Variants in MCPH1 observed in about 807,000 individuals in gnomAD.
The protein encoded by MCPH1 is microcephalin 1, also known as microcephalin.
In MCPH1, 104 loss-of-function variants were observed where a neutral mutation model predicts 84.5. That is an observed-to-expected ratio of 1.23 (90% CI 1.05 to 1.45). MCPH1 has a LOEUF of 1.45. Among genes scored for constraint, MCPH1 ranks in the 40% most tolerant of loss-of-function variants. MCPH1 has a pLI of 0.00. For missense variants in MCPH1, 1,498 were observed against 1,005.7 expected (o/e 1.49, Z -6.62); for synonymous variants, 514 against 366.8 (o/e 1.40, Z -4.58).
Position 6,493,378 on chromosome 8 carries a change from A to G in MCPH1, c.2137-6474A>G, listed in dbSNP as rs532801802. Reference sequence around the variant, plus strand: ...TTGAGGTGAGCTTTTTCATAAGAATATTCAAGCCTAGGTCAACATGCAGCT... The same window carrying G: ...TTGAGGTGAGCTTTTTCATAAGAATGTTCAAGCCTAGGTCAACATGCAGCT... On this transcript the variant is annotated intron_variant, in intron 11 of 13. Transcript: ENST00000344683. Among the ~76,000 whole-genome samples, 66 of 152,356 alleles carry G rather than the reference A, an allele frequency of 4.3e-4. 2 individuals are homozygous for G. In the South Asian group the frequency reaches 0.013, roughly 31 times the overall value.
intron 11 of MCPH1, among the ~76,000 whole-genome samples, chr8:6,498,078 G>T (rs969166840): frequency 6.6e-6 from 1 of 152,192 alleles, no homozygotes; most frequent in Non-Finnish European, 1.5e-5. Flanking sequence ...ATTCACAGAT[G>T]CAGTTCCTAT....
intron 12 of MCPH1, among the ~76,000 whole-genome samples, chr8:6,581,336 A>G (rs1827549345): frequency 6.6e-6 from 1 of 152,178 alleles, no homozygotes; most frequent in African/African-American, 2.4e-5. Flanking sequence ...CTCCAGCATA[A>G]ATGGGGATGA....
At chr8:6,633,071 ACTAT>A (rs1797285247) in intron 13 of MCPH1, among the ~76,000 whole-genome samples, 2 of 152,170 alleles carry the variant, frequency 1.3e-5, no homozygotes, top group African/African-American at 2.4e-5. Flanking sequence ...AACTTTCTTA[ACTAT>A]GGAGGTTATC....
intron 12 of MCPH1, among the ~76,000 whole-genome samples, chr8:6,509,741 T>G (rs1347746360): frequency 6.6e-6 from 1 of 152,212 alleles, no homozygotes; most frequent in Non-Finnish European, 1.5e-5. Flanking sequence ...TGAAAATGCA[T>G]GGAATACACC....
chr8:6,436,969 CAAAAAAA>C (rs1055833673), intron 5 of MCPH1, among the ~76,000 whole-genome samples: 1 of 145,932 alleles, frequency 6.9e-6, no homozygotes, highest in Non-Finnish European at 1.5e-5. Flanking sequence ...GACTCCAACT[CAAAAAAA>C]AAAGAATATT....
At chr8:6,564,573 C>T (rs1171496569) in intron 12 of MCPH1, among the ~76,000 whole-genome samples, 1 of 68,114 alleles carries the variant, frequency 1.5e-5, no homozygotes, top group Non-Finnish European at 4.8e-5. Context: ...AAGCCCCCTG[C>T]CTTTGCTGCG....
At chr8:6,625,409 G>C in intron 13 of MCPH1, 1 of 985,120 alleles carries the variant, frequency 1.0e-6, no homozygotes, top group Non-Finnish European at 1.2e-6. Context: ...TTTTCCTCCC[G>C]TTCATTTCCA....
At chr8:6,618,759 A>G (rs1207914410) in intron 12 of MCPH1, 1 of 152,182 alleles carries the variant, frequency 6.6e-6, no homozygotes, top group East Asian at 1.9e-4. Context: ...ACTTAACAAA[A>G]AAGTCACTTA....
intron 8 of MCPH1, among the ~76,000 whole-genome samples, chr8:6,451,086 C>A (rs866373421): frequency 1.3e-5 from 2 of 152,150 alleles, no homozygotes; most frequent in African/African-American, 4.8e-5. Flanking sequence ...AATAGATAGA[C>A]ATATATTCAT....
intron 12 of MCPH1, among the ~76,000 whole-genome samples, chr8:6,618,302 A>C (rs1831062913): frequency 6.6e-6 from 1 of 152,210 alleles, no homozygotes; most frequent in South Asian, 2.1e-4. Context: ...ACTTTTTAAA[A>C]TGTACCAGTG....
intron 8 of MCPH1, among the ~76,000 whole-genome samples, chr8:6,452,702 T>C (rs1021285217): frequency 1.3e-5 from 2 of 152,218 alleles, no homozygotes; most frequent in Admixed American, 1.3e-4. Flanking sequence ...GCTTCCTCTC[T>C]CTCTGCCATG....
At chr8:6,601,967 A>G (rs1829409023) in intron 12 of MCPH1, among the ~76,000 whole-genome samples, 1 of 152,248 alleles carries the variant, frequency 6.6e-6, no homozygotes, top group African/African-American at 2.4e-5. Flanking sequence ...TACCATAGTA[A>G]TTAATTCTTT....
intron 10 of MCPH1, among the ~76,000 whole-genome samples, chr8:6,478,853 C>T (rs143892054): frequency 6.6e-6 from 1 of 152,230 alleles, no homozygotes; most frequent in African/African-American, 2.4e-5. Flanking sequence ...TCTTGACTCA[C>T]ACATCTTTTC....
chr8:6,629,410 C>T (rs1366349683), intron 13 of MCPH1, among the ~76,000 whole-genome samples: 6 of 152,180 alleles, frequency 3.9e-5, no homozygotes, highest in African/African-American at 1.2e-4. Flanking sequence ...TGCAGTTAGT[C>T]GTGATCCCAC....
At chr8:6,436,282 T>C in intron 5 of MCPH1, 120 bp downstream of exon 5, 1 of 1,116,938 alleles carries the variant, frequency 9.0e-7, no homozygotes, top group Non-Finnish European at 1.3e-6. Context: ...AGCTTTACTC[T>C]ATGAAGGAGA....
Position 6,537,867 on chromosome 8 carries a change from T to C in MCPH1, c.2214+37938T>C, listed in dbSNP as rs1273067396. Among the ~76,000 whole-genome samples the C allele has an allele frequency of 2.0e-5, 3 of 152,188 alleles. No homozygotes were observed. In the East Asian group the frequency reaches 5.8e-4, roughly 29 times the overall value. On this transcript the variant is annotated intron_variant, in intron 12 of 13. Coordinates refer to ENST00000344683, the MANE Select transcript of MCPH1 (RefSeq NM_024596.5). ...ATGTTGATTTCTCACCAACTGTAGA[T>C]GCTGGTTGAGAGATCCTTTCTATTT...
At chr8:6,479,508 C>T (rs932817976) in intron 10 of MCPH1, among the ~76,000 whole-genome samples, 1 of 151,810 alleles carries the variant, frequency 6.6e-6, no homozygotes, top group Non-Finnish European at 1.5e-5. Flanking sequence ...AATCTCCTCC[C>T]ACTGCAAGCT....
rs1319063519 is a variant in MCPH1, at chr8:6,445,106, T to C, written c.1384T>C (p.Ser462Pro). ...RTSIFEMSDF[S>P]CVGKKTRTVD... ...AAGCATATTTGAAATGTCTGATTTT[T>C]CCTGCGTTGGCAAAAAAACCAGAAC... The change falls in exon 8 of 14, where the codon TCC becomes CCC. Residue 462 changes from serine to proline, a missense_variant. By Grantham distance (74) the Ser-to-Pro change is moderately conservative. Transcript: ENST00000344683. 1.9e-6 allele frequency: 3 copies of C among 1,614,228 alleles called. No homozygotes were observed. The highest frequency in any genetic ancestry group is 2.5e-6 in the Non-Finnish European group (3 of 1,180,042).
chr8:6,638,667 C>A (rs911428348), intron 13 of MCPH1, among the ~76,000 whole-genome samples: 2 of 152,014 alleles, frequency 1.3e-5, no homozygotes, highest in African/African-American at 2.4e-5. Flanking sequence ...CTGTCTCCAC[C>A]GGCCAGGACT....
Sources: gnomAD v4.1 joint callset for allele counts (sites outside exome capture counted in the v4.1 genomes callset) on GRCh38, gnomAD v4.1.1 for gene constraint, MANE v1.5 for transcripts, NCBI Gene and HGNC (gene_info 2026-07-23, HGNC 2026-07-21) for gene names.